Variants in GALNTL6 observed in about 807,000 individuals in gnomAD.
GALNTL6 encodes polypeptide N-acetylgalactosaminyltransferase like 6, also known as polypeptide N-acetylgalactosaminyltransferase-like 6.
GALNTL6 carries 46 observed loss-of-function variants against 73.7 expected under a neutral mutation model. The ratio of observed to expected loss-of-function variants is 0.62; its 90% CI spans 0.49 to 0.80. The LOEUF is 0.80. Ranked by LOEUF, GALNTL6 falls within the 30% of genes least tolerant of loss-of-function variation. The probability of loss-of-function intolerance (pLI) is 0.00; values close to 1 mark genes in which losing one functional copy is unlikely to be tolerated. For missense variants in GALNTL6, 604 were observed against 755.0 expected, an observed-to-expected ratio of 0.80 and a Z score of 2.34; for synonymous variants, 259 against 263.7, an observed-to-expected ratio of 0.98 and a Z score of 0.17.
chr4:172,951,998 T>C (rs892089426), intron 9 of GALNTL6, 39 bp from the exon 10 acceptor site: 2 of 1,471,040 alleles, frequency 1.4e-6, no homozygotes, highest in African/African-American at 3.7e-5. Context: ...TTTGAATGAA[T>C]AAACCAATAA....
chr4:172,878,845 G>A (rs967479329), intron 7 of GALNTL6, among the ~76,000 whole-genome samples: 1 of 151,760 alleles, frequency 6.6e-6, no homozygotes, highest in Non-Finnish European at 1.5e-5. Flanking sequence ...GCAAGTATAT[G>A]TTACCTATAA....
intron 5 of GALNTL6, among the ~76,000 whole-genome samples, chr4:172,485,379 C>A (rs1345501049): frequency 1.3e-5 from 2 of 151,942 alleles, no homozygotes; most frequent in Admixed American, 6.6e-5. Context: ...GATAGAATAC[C>A]AGAGTACATC....
intron 2 of GALNTL6, among the ~76,000 whole-genome samples, chr4:172,212,648 A>G (rs1736363329): frequency 6.6e-6 from 1 of 152,000 alleles, no homozygotes; most frequent in Non-Finnish European, 1.5e-5. Context: ...ACCCCTGGCA[A>G]CCACTGCTCT....
intron 3 of GALNTL6, among the ~76,000 whole-genome samples, chr4:172,300,040 A>T (rs1474570656): frequency 6.6e-6 from 1 of 152,134 alleles, no homozygotes; most frequent in African/African-American, 2.4e-5. Flanking sequence ...TGCTTTATGA[A>T]TCTGGGTGCT....
intron 5 of GALNTL6, among the ~76,000 whole-genome samples, chr4:172,569,122 C>T (rs1018062664): frequency 2.0e-5 from 3 of 152,086 alleles, no homozygotes; most frequent in African/African-American, 7.2e-5. Flanking sequence ...CCAGTATAAC[C>T]GAAAACCCTA....
chr4:172,220,083 T>C (rs550362638), intron 2 of GALNTL6, among the ~76,000 whole-genome samples: 40 of 152,004 alleles, frequency 2.6e-4, no homozygotes, highest in Middle Eastern at 6.8e-3. Flanking sequence ...AGCACATCTC[T>C]GTCCTCCTCT....
chr4:172,996,885 T>C (rs1318640315), intron 10 of GALNTL6, among the ~76,000 whole-genome samples: 2 of 152,100 alleles, frequency 1.3e-5, no homozygotes, highest in Non-Finnish European at 2.9e-5. Flanking sequence ...CTAGAGCCTC[T>C]TGCAAAGGTT....
chr4:172,307,207 T>G (rs1740169845), intron 3 of GALNTL6, among the ~76,000 whole-genome samples: 1 of 152,200 alleles, frequency 6.6e-6, no homozygotes, highest in South Asian at 2.1e-4. Flanking sequence ...ATTTCCTTCA[T>G]AATTAGTGAT....
At chr4:172,314,852 C>T (rs1396167549) in intron 4 of GALNTL6, among the ~76,000 whole-genome samples, 2 of 151,982 alleles carry the variant, frequency 1.3e-5, no homozygotes, top group Non-Finnish European at 2.9e-5. Context: ...TCAGGTGATC[C>T]GCCTGCCTCG....
intron 5 of GALNTL6, among the ~76,000 whole-genome samples, chr4:172,503,553 T>TATATATATATATATATATATATATA (rs1554031112): frequency 2.7e-5 from 4 of 145,690 alleles, no homozygotes; most frequent in African/African-American, 7.7e-5. Context: ...TATATATGTA[T>TATATATATATATATATATATATATA]TAGTTTTTTG....
chr4:173,015,221 T>C (rs942312360), intron 11 of GALNTL6, among the ~76,000 whole-genome samples: 1 of 152,212 alleles, frequency 6.6e-6, no homozygotes, highest in African/African-American at 2.4e-5. Context: ...ATGTCTTTAT[T>C]AGCAGCATGA....
intron 2 of GALNTL6, among the ~76,000 whole-genome samples, chr4:172,188,425 G>A (rs1292549122): frequency 2.0e-5 from 3 of 152,148 alleles, no homozygotes; most frequent in East Asian, 1.9e-4. Flanking sequence ...TATATGTTGA[G>A]CAACTACCAG....
intron 5 of GALNTL6, among the ~76,000 whole-genome samples, chr4:172,425,077 G>A (rs1731180486): frequency 6.6e-6 from 1 of 152,018 alleles, no homozygotes; most frequent in Non-Finnish European, 1.5e-5. Context: ...ATATACTACA[G>A]ATGAAAAGTA....
intron 3 of GALNTL6, among the ~76,000 whole-genome samples, chr4:172,282,405 G>A (rs769586804): frequency 6.6e-6 from 1 of 152,068 alleles, no homozygotes; most frequent in Non-Finnish European, 1.5e-5. Context: ...GCGTACTAGT[G>A]GCAAGAAATT....
chr4:172,405,642 G>A (rs1744214968), intron 5 of GALNTL6, among the ~76,000 whole-genome samples: 1 of 151,530 alleles, frequency 6.6e-6, no homozygotes. Context: ...ACTCCATGCA[G>A]CTGGATTTTA....
chr4:172,533,642 G>A (rs1266695346), intron 5 of GALNTL6, among the ~76,000 whole-genome samples: 1 of 151,974 alleles, frequency 6.6e-6, no homozygotes. Flanking sequence ...TGTTTTAGAT[G>A]TCTTTATTTT....
At chr4:172,362,882 A>T (rs1020951881) in intron 5 of GALNTL6, among the ~76,000 whole-genome samples, 1 of 152,136 alleles carries the variant, frequency 6.6e-6, no homozygotes, top group Non-Finnish European at 1.5e-5. Context: ...AGTACTTTGT[A>T]GTCATTTTTC....
chr4:171,840,545 A>G (rs1055875933), intron 2 of GALNTL6, among the ~76,000 whole-genome samples: 7 of 152,146 alleles, frequency 4.6e-5, no homozygotes, highest in African/African-American at 7.2e-5. Flanking sequence ...ACAAAAGCCA[A>G]TGATCTGAAT....
intron 2 of GALNTL6, among the ~76,000 whole-genome samples, chr4:172,018,687 A>G (rs1264628973): frequency 6.6e-6 from 1 of 152,096 alleles, no homozygotes; most frequent in Non-Finnish European, 1.5e-5. Flanking sequence ...CAATTTGTCC[A>G]CAATACCAAC....
Sources: allele counts gnomAD v4.1 joint callset (sites outside exome capture counted in the v4.1 genomes callset), GRCh38; gene constraint gnomAD v4.1.1; transcripts MANE v1.5; gene names NCBI Gene and HGNC (gene_info 2026-07-23, HGNC 2026-07-21).